SORCS2: variants seen among roughly 807,000 people sequenced by gnomAD.
SORCS2 encodes the protein sortilin related VPS10 domain containing receptor 2.
A neutral mutation model predicts 141.6 loss-of-function variants in SORCS2; 100 were observed. The observed-to-expected ratio is 0.71, with a 90% CI of 0.60 to 0.83. The LOEUF (loss-of-function observed/expected upper bound fraction) is 0.83. SORCS2 is among the 40% of genes least tolerant of loss of function. The probability of loss-of-function intolerance (pLI) is 0.00; values close to 1 mark genes in which losing one functional copy is unlikely to be tolerated. For synonymous variants in SORCS2, 789 were observed against 676.9 expected, an observed-to-expected ratio of 1.17 and a Z score of -2.57; for missense variants, 1,646 against 1,560.2, an observed-to-expected ratio of 1.05 and a Z score of -0.93.
At chr4:7,425,184 G>A (rs534394132) in intron 2 of SORCS2, among the ~76,000 whole-genome samples, 2 of 152,342 alleles carry the variant, frequency 1.3e-5, no homozygotes, top group Admixed American at 1.3e-4. Flanking sequence ...CCACGCAGGA[G>A]CCTCCGTTTT....
chr4:7,600,750 T>G (rs1035157459), intron 3 of SORCS2, among the ~76,000 whole-genome samples: 1 of 151,946 alleles, frequency 6.6e-6, no homozygotes, highest in Admixed American at 6.6e-5. Context: ...CGTTCTGTCA[T>G]TATATTAGCA....
intron 1 of SORCS2, among the ~76,000 whole-genome samples, chr4:7,384,314 A>C (rs867805762): frequency 3.1e-4 from 47 of 152,228 alleles, no homozygotes; most frequent in Non-Finnish European, 7.3e-5. Context: ...GATAACGTCC[A>C]TAGAGTGCTC....
At position 7,706,027 on chromosome 4, in the gene SORCS2, G is replaced by GGGCAGGGA; in HGVS notation, c.1868+1743_1868+1744insGGCAGGGA. ...CTGGACAGGGATGAGGCTGGGCTCT[G>GGGCAGGGA]TCTGGGCAGGGATGAGGCTGGGCTC... On this transcript the variant is annotated intron_variant, in intron 14 of 26. Coordinates refer to ENST00000507866, the MANE Select transcript of SORCS2 (RefSeq NM_020777.3). Among the ~76,000 whole-genome samples, 8 of 144,384 alleles carry GGGCAGGGA rather than the reference G, an allele frequency of 5.5e-5. 1 individual carries two copies. Among genetic ancestry groups the GGGCAGGGA allele is most frequent in the South Asian group, 2.2e-4 (1 of 4,566 alleles). The allele number at this position is 144,384 out of a possible 152,430, so 94.7% of individuals were successfully genotyped here. A position where few individuals can be genotyped will look rare whatever the true frequency, so the allele number is the denominator to read the frequency against.
intron 1 of SORCS2, among the ~76,000 whole-genome samples, chr4:7,217,274 G>A (rs1040004868): frequency 1.8e-4 from 28 of 152,296 alleles, no homozygotes; most frequent in African/African-American, 6.7e-4. Flanking sequence ...CATGAGACCC[G>A]AGGACCCCGC....
At chr4:7,666,542 C>T (rs1303669610) in intron 7 of SORCS2, among the ~76,000 whole-genome samples, 1 of 152,202 alleles carries the variant, frequency 6.6e-6, no homozygotes. Context: ...CACCTCACCA[C>T]CAACAAGGTG....
chr4:7,264,429 C>A (rs1560149884), intron 1 of SORCS2, among the ~76,000 whole-genome samples: 1 of 152,124 alleles, frequency 6.6e-6, no homozygotes, highest in East Asian at 1.9e-4. Context: ...CCCTAGCTGG[C>A]CTGGCCTTAG....
rs756285257 is a variant in SORCS2 at position 7,725,215 on chromosome 4, C to T, written c.2673C>T (p.Asn891=). ...TCATTGGCCTCAACCAGGAGGTGAA[C>T]CTCACAGCTGTGCTGCTTCCCTTGA... is the stretch of plus-strand genomic sequence containing the variant. ...VPVIGLNQEV[N]LTAVLLPLNP... is the part of the protein sequence containing the mutation. The change falls in exon 20 of 27, where the codon AAC becomes AAT. Residue 891 remains asparagine (N), a synonymous_variant. Transcript: ENST00000507866. The T allele has an allele frequency of 6.2e-7, 1 of 1,613,636 alleles. No individual in the cohort carries two copies.
intron 2 of SORCS2, among the ~76,000 whole-genome samples, chr4:7,516,767 G>A (rs188923657): frequency 6.6e-6 from 1 of 152,294 alleles, no homozygotes; most frequent in Non-Finnish European, 1.5e-5. Flanking sequence ...TCCCCTTCTC[G>A]GCATGGTCCT....
intron 3 of SORCS2, among the ~76,000 whole-genome samples, chr4:7,575,759 G>T (rs544360820): frequency 6.6e-6 from 1 of 152,152 alleles, no homozygotes; most frequent in East Asian, 1.9e-4. Context: ...GTGTGTTTAC[G>T]CATCAGGATC....
intron 2 of SORCS2, among the ~76,000 whole-genome samples, chr4:7,396,737 C>T (rs1724240359): frequency 6.6e-6 from 1 of 152,204 alleles, no homozygotes; most frequent in Admixed American, 6.5e-5. Context: ...ACCAAAGGCT[C>T]TGATTATCCT....
intron 2 of SORCS2, among the ~76,000 whole-genome samples, chr4:7,402,283 G>A (rs1724641096): frequency 6.6e-6 from 1 of 152,178 alleles, no homozygotes; most frequent in Non-Finnish European, 1.5e-5. Flanking sequence ...CCACCTGGAA[G>A]TAACCTCTAC....
intron 3 of SORCS2, among the ~76,000 whole-genome samples, chr4:7,627,768 C>T (rs183430821): frequency 1.1e-4 from 17 of 152,326 alleles, no homozygotes; most frequent in Middle Eastern, 3.4e-3. Flanking sequence ...CAGATCAACT[C>T]GTTTTATTTG....
At chr4:7,539,543 G>A (rs913308733) in intron 3 of SORCS2, among the ~76,000 whole-genome samples, 2 of 152,134 alleles carry the variant, frequency 1.3e-5, no homozygotes, top group African/African-American at 4.8e-5. Context: ...ACCACACTGG[G>A]CTCTAATGGC....
intron 1 of SORCS2, among the ~76,000 whole-genome samples, chr4:7,347,670 T>C (rs113508296): frequency 6.0e-4 from 92 of 152,352 alleles, no homozygotes; most frequent in African/African-American, 2.0e-3. Context: ...GCCATTCTGA[T>C]CCTGTGGATT....
chr4:7,532,603 T>A (rs928339148), intron 3 of SORCS2, among the ~76,000 whole-genome samples: 2 of 152,192 alleles, frequency 1.3e-5, no homozygotes, highest in African/African-American at 2.4e-5. Context: ...TTTCGATGGT[T>A]GCGCTGGTGG....
chr4:7,214,975 C>T (rs991544662), intron 1 of SORCS2, among the ~76,000 whole-genome samples: 2 of 151,700 alleles, frequency 1.3e-5, no homozygotes, highest in African/African-American at 2.4e-5. Flanking sequence ...TGGCAGTCCT[C>T]ACGGCCCTCG....
chr4:7,570,987 G>A (rs934475846), intron 3 of SORCS2, among the ~76,000 whole-genome samples: 6 of 152,162 alleles, frequency 3.9e-5, no homozygotes, highest in African/African-American at 7.2e-5. Flanking sequence ...CTTCAGAGGC[G>A]CAGCCACTCT....
At chr4:7,348,700 C>T (rs2109001607) in intron 1 of SORCS2, among the ~76,000 whole-genome samples, 1 of 152,258 alleles carries the variant, frequency 6.6e-6, no homozygotes, top group African/African-American at 2.4e-5. Flanking sequence ...TACAGGGGCG[C>T]ACCACCATGT....
intron 1 of SORCS2, among the ~76,000 whole-genome samples, chr4:7,383,441 T>C (rs3905843): frequency 0.83 from 125,866 of 152,218 alleles, 52,628 homozygotes; most frequent in African/African-American, 0.88. Flanking sequence ...TGTTCAGACA[T>C]GACAGCGTTG....
Sources: allele counts gnomAD v4.1 joint callset (sites outside exome capture counted in the v4.1 genomes callset), GRCh38; gene constraint gnomAD v4.1.1; transcripts MANE v1.5; gene names NCBI Gene and HGNC (gene_info 2026-07-23, HGNC 2026-07-21).